Variants in LPP observed in about 807,000 individuals in gnomAD.
LPP encodes the protein lipoma-preferred partner.
A neutral mutation model predicts 60.4 loss-of-function variants in LPP; 38 were observed. That is an observed-to-expected ratio of 0.63 (90% CI 0.49 to 0.83). The LOEUF (loss-of-function observed/expected upper bound fraction) is 0.83. Among genes scored for constraint, LPP ranks in the 40% least tolerant of loss-of-function variants. The probability of loss-of-function intolerance (pLI) is 0.00; values close to 1 mark genes in which losing one functional copy is unlikely to be tolerated. For synonymous variants in LPP, 328 were observed against 290.8 expected (o/e 1.13, Z -1.30); for missense variants, 902 against 783.6 (o/e 1.15, Z -1.80).
intron 1 of LPP, among the ~76,000 whole-genome samples, chr3:188,157,776 C>A (rs1474957515): frequency 6.6e-6 from 1 of 151,858 alleles, no homozygotes; most frequent in Non-Finnish European, 1.5e-5. Flanking sequence ...AGAAGGCTCA[C>A]CCTCAGGGAA....
At chr3:188,453,040 A>C (rs144346823) in intron 4 of LPP, among the ~76,000 whole-genome samples, 91 of 152,304 alleles carry the variant, frequency 6.0e-4, no homozygotes, top group African/African-American at 1.9e-3. Flanking sequence ...ATGCCTTCTT[A>C]GGTGGACCAA....
chr3:188,609,798 T>G lies in LPP; in HGVS notation c.1067T>G (p.Ile356Ser). 6.2e-7 allele frequency: 1 copy of G among 1,613,786 alleles called. No individual in the cohort carries two copies. Among genetic ancestry groups the G allele is most frequent in the Non-Finnish European group, 8.5e-7 (1 of 1,179,908 alleles). Residue 356 changes from isoleucine to serine, a missense_variant, in exon 7 of 12, where the codon ATC becomes AGC. Transcript: ENST00000617246. This position sits in a 1 kb window ranked among gnomAD's most constrained non-coding sequence, Gnocchi z 6.9. ...GTCACTGGTCCCAAGAAGACCTATA[T>G]CACAGATCCTGTTTCAGCCCCCTGT... ...YPVTGPKKTY[I>S]TDPVSAPCAP...
intron 5 of LPP, among the ~76,000 whole-genome samples, chr3:188,487,888 G>T (rs964962411): frequency 8.5e-5 from 13 of 152,166 alleles, no homozygotes; most frequent in African/African-American, 3.1e-4. Context: ...AGAGCCAAAA[G>T]AACGTCTACT....
chr3:188,216,719 T>G (rs1577341436), intron 1 of LPP, among the ~76,000 whole-genome samples: 1 of 152,300 alleles, frequency 6.6e-6, no homozygotes, highest in Middle Eastern at 3.4e-3. Context: ...TGTCTCTAAC[T>G]CTCCCAACAC....
chr3:188,277,503 T>C lies in LPP; in HGVS notation c.-67+51976T>C, dbSNP rs116184409. Among the ~76,000 whole-genome samples the C allele has an allele frequency of 3.7e-3, 571 of 152,306 alleles. 7 individuals carry two copies. Among genetic ancestry groups the C allele is most frequent in the African/African-American group, 0.013 (534 of 41,578 alleles). On this transcript the variant is annotated intron_variant, in intron 2 of 11. Coordinates refer to ENST00000617246, the MANE Select transcript of LPP (RefSeq NM_001375462.1). ...TTCCTTTTCCGGAAAGTCTCATGACTCTTTATCTGAGTTTGACTTAAGAGA... is the reference window on the plus strand; with the variant it reads ...TTCCTTTTCCGGAAAGTCTCATGACCCTTTATCTGAGTTTGACTTAAGAGA...
At chr3:188,794,145 G>A (rs897797645) in intron 9 of LPP, among the ~76,000 whole-genome samples, 2 of 152,198 alleles carry the variant, frequency 1.3e-5, no homozygotes, top group African/African-American at 4.8e-5. Context: ...TAGTTACATA[G>A]AGGTATATCT....
At chr3:188,468,559 G>A (rs182920647) in intron 4 of LPP, among the ~76,000 whole-genome samples, 32 of 152,192 alleles carry the variant, frequency 2.1e-4, no homozygotes, top group African/African-American at 5.1e-4. Context: ...ACATTGTGCC[G>A]TGTCAGTTAA....
rs562992248 is a variant in LPP, at chr3:188,514,382, T to C, written c.307-10283T>C. Reference sequence around the variant, plus strand: ...TGTTAATAATTAACCATGTACATCATCTTTTTGGTTGATCACAGCCATAGC... The same window carrying C: ...TGTTAATAATTAACCATGTACATCACCTTTTTGGTTGATCACAGCCATAGC... On this transcript the variant is annotated intron_variant, in intron 5 of 11. Coordinates refer to ENST00000617246, the MANE Select transcript of LPP (RefSeq NM_001375462.1). 2.6e-5 allele frequency among the ~76,000 whole-genome samples: 4 copies of C among 152,270 alleles called. No homozygotes were observed. The East Asian group carries it at 7.7e-4, about 29-fold the overall frequency.
chr3:188,607,628 C>A (rs910164016), intron 6 of LPP, among the ~76,000 whole-genome samples: 2 of 151,556 alleles, frequency 1.3e-5, no homozygotes, highest in Non-Finnish European at 1.5e-5. Flanking sequence ...TTATTTTTGG[C>A]ATTTCATTTC....
At chr3:188,645,114 T>G (rs1325214471) in intron 7 of LPP, among the ~76,000 whole-genome samples, 4 of 152,246 alleles carry the variant, frequency 2.6e-5, no homozygotes, top group Non-Finnish European at 5.9e-5. Context: ...ACTGGTTATT[T>G]TTATTATCGT....
chr3:188,466,234 C>T (rs140557540), intron 4 of LPP, among the ~76,000 whole-genome samples: 164 of 152,186 alleles, frequency 1.1e-3, no homozygotes, highest in African/African-American at 3.6e-3. Flanking sequence ...GTATTGTCCA[C>T]GTTACTGGTT....
chr3:188,446,539 C>G (rs1444197468), intron 4 of LPP, among the ~76,000 whole-genome samples: 1 of 151,996 alleles, frequency 6.6e-6, no homozygotes, highest in African/African-American at 2.4e-5. Flanking sequence ...TTTTATTTTT[C>G]TTTGTTTTTA....
intron 1 of LPP, among the ~76,000 whole-genome samples, chr3:188,176,856 A>G (rs888823634): frequency 6.6e-6 from 1 of 152,232 alleles, no homozygotes; most frequent in Non-Finnish European, 1.5e-5. Flanking sequence ...AGAGAGAGAC[A>G]GCTGAGATTT....
At chr3:188,478,722 T>A (rs1316974862) in intron 4 of LPP, among the ~76,000 whole-genome samples, 2 of 152,120 alleles carry the variant, frequency 1.3e-5, no homozygotes, top group Non-Finnish European at 2.9e-5. Context: ...ATATATTTTT[T>A]TCTGTATTAG....
intron 6 of LPP, among the ~76,000 whole-genome samples, chr3:188,596,626 A>C (rs538950768): frequency 2.0e-5 from 3 of 152,306 alleles, no homozygotes; most frequent in South Asian, 2.1e-4. Context: ...GAAAAAAAAA[A>C]CTGAGCAAAC....
At chr3:188,774,759 G>C (rs1362367422) in intron 9 of LPP, among the ~76,000 whole-genome samples, 11 of 152,104 alleles carry the variant, frequency 7.2e-5, no homozygotes, top group African/African-American at 2.2e-4. Flanking sequence ...TGGTGTGTGT[G>C]GGGAGGGAGC....
intron 2 of LPP, chr3:188,240,013 A>G (rs992004174): frequency 7.1e-5 from 14 of 196,110 alleles, no homozygotes; most frequent in South Asian, 1.9e-4. Context: ...GAGTTGCTCA[A>G]GGTCTCAGAG....
At chr3:188,223,522 C>A (rs565621687) in intron 1 of LPP, among the ~76,000 whole-genome samples, 4 of 152,140 alleles carry the variant, frequency 2.6e-5, no homozygotes, top group Admixed American at 2.0e-4. Context: ...TGCTTGTTCT[C>A]TTTATGGAAA....
At chr3:188,370,871 T>C (rs1772845803) in intron 3 of LPP, among the ~76,000 whole-genome samples, 1 of 152,210 alleles carries the variant, frequency 6.6e-6, no homozygotes, top group African/African-American at 2.4e-5. Flanking sequence ...GTAACTCTAC[T>C]GGTGTCTCTT....
Sources: gnomAD v4.1 joint callset for allele counts (sites outside exome capture counted in the v4.1 genomes callset) on GRCh38, gnomAD v4.1.1 for gene constraint, Gnocchi (gnomAD v3.1) non-coding constraint, MANE v1.5 for transcripts, NCBI Gene and HGNC (gene_info 2026-07-23, HGNC 2026-07-21) for gene names.